Variants in ZNRD2 observed in about 807,000 individuals in gnomAD.
The protein encoded by ZNRD2 is protein ZNRD2.
In ZNRD2, 16 loss-of-function variants were observed where a neutral mutation model predicts 22.0. That is an observed-to-expected ratio of 0.73 (90% confidence interval 0.49 to 1.11). The LOEUF (loss-of-function observed/expected upper bound fraction) is 1.11. Ranked by LOEUF, ZNRD2 falls within the 50% of genes least tolerant of loss-of-function variation. The pLI is 0.00. For synonymous variants in ZNRD2, 105 were observed against 109.8 expected (o/e 0.96, Z 0.27); for missense variants, 269 against 258.9 (o/e 1.04, Z -0.27).
At chr11:65,571,256 A>C (rs998244262) in intron 3 of ZNRD2, 135 bp from the exon 4 acceptor site, 3 of 1,143,344 alleles carry the variant, frequency 2.6e-6, no homozygotes, top group Non-Finnish European at 3.6e-6. Context: ...ACAAAGTAGA[A>C]AGTGGATGAG....
chr11:65,571,362 C>G, intron 3 of ZNRD2, 29 bp from the exon 4 acceptor site: 1 of 1,551,414 alleles, frequency 6.4e-7, no homozygotes, highest in Non-Finnish European at 8.7e-7. Flanking sequence ...GGCATCCTGA[C>G]CATTCCACCC....
At position 65,570,895 on chromosome 11, in the gene ZNRD2, C is replaced by T. The variant is rs758434928; in HGVS notation, c.181C>T (p.Leu61Phe). Reference protein sequence around the residue: ...ETCADCGTILLQDKQRKIYCV... With the variant: ...ETCADCGTILFQDKQRKIYCV... ...GCTTTTTGGTCCGTAGACGATCCTCCTCCAAGACAAACAGCGGAAAATCTA... is the reference window on the plus strand; with the variant it reads ...GCTTTTTGGTCCGTAGACGATCCTCTTCCAAGACAAACAGCGGAAAATCTA... Residue 61 changes from leucine to phenylalanine, a missense_variant, in exon 3 of 4, where the codon CTC becomes TTC. Coordinates refer to ENST00000309328, the MANE Select transcript of ZNRD2 (RefSeq NM_006396.3). 29 of 1,614,064 alleles carry T rather than the reference C, an allele frequency of 1.8e-5. No homozygotes were observed. Among genetic ancestry groups the T allele is most frequent in the Non-Finnish European group, 2.0e-5 (24 of 1,180,024 alleles).
rs1205871975 is a variant in ZNRD2, at chr11:65,570,514, A to T, written c.19+4A>T. ...AACATGGCCCTGAACGGAGCTGGTGAGGACCTGGGCGGCAGGGGTTTGTGG... is the reference window on the plus strand; with the variant it reads ...AACATGGCCCTGAACGGAGCTGGTGTGGACCTGGGCGGCAGGGGTTTGTGG... On this transcript the variant is annotated splice_donor_region_variant and intron_variant, in intron 1 of 3. Coordinates refer to ENST00000309328, the MANE Select transcript of ZNRD2 (RefSeq NM_006396.3). 1.2e-6 allele frequency: 2 copies of T among 1,613,934 alleles called. No homozygotes were observed. Among genetic ancestry groups the T allele is most frequent in the South Asian group, 2.2e-5 (2 of 91,084 alleles).
chr11:65,571,707 G>T lies in ZNRD2; in HGVS notation c.573G>T (p.Leu191=). The T allele has an allele frequency of 6.2e-7, 1 of 1,611,852 alleles. No individual in the cohort carries two copies. Among genetic ancestry groups the T allele is most frequent in the East Asian group, 2.2e-5 (1 of 44,846 alleles). ...CGLIRACAEA[L]RSLQQLQH ...TTATCCGCGCATGTGCGGAGGCCCTGCGCAGCCTGCAGCAGCTACAGCACT... is the reference window on the plus strand; with the variant it reads ...TTATCCGCGCATGTGCGGAGGCCCTTCGCAGCCTGCAGCAGCTACAGCACT... Residue 191 remains leucine, a synonymous_variant, in exon 4 of 4, where the codon CTG becomes CTT. Transcript: ENST00000309328.
Position 65,570,756 on chromosome 11 carries a change from G to T in ZNRD2, c.171+1G>T, listed in dbSNP as rs945672485. 3 of 1,613,666 alleles carry T rather than the reference G, an allele frequency of 1.9e-6. No individual in the cohort carries two copies. In the African/African-American group the frequency reaches 4.0e-5, roughly 21 times the overall value. ...GGGCGAGACGTGTGCGGACTGCGGGGTGAGGCGAGACTCGGGCGAGTGACC... is the reference window on the plus strand; with the variant it reads ...GGGCGAGACGTGTGCGGACTGCGGGTTGAGGCGAGACTCGGGCGAGTGACC... On this transcript the variant is annotated splice_donor_variant, in intron 2 of 3. Coordinates refer to ENST00000309328, the MANE Select transcript of ZNRD2 (RefSeq NM_006396.3). LOFTEE classifies it high-confidence loss of function.
At chr11:65,571,063 G>A (rs1215879725) in intron 3 of ZNRD2, 93 bp downstream of exon 3, 4 of 1,218,968 alleles carry the variant, frequency 3.3e-6, no homozygotes, top group African/African-American at 1.5e-5. Context: ...CAGTAGGGCT[G>A]AGAGGTGACA....
intron 3 of ZNRD2, 144 bp from the exon 4 acceptor site, chr11:65,571,247 C>T: frequency 9.1e-7 from 1 of 1,101,494 alleles, no homozygotes; most frequent in Non-Finnish European, 1.3e-6. Flanking sequence ...AAATGTGATA[C>T]AAAGTAGAAA....
chr11:65,571,089 G>A, intron 3 of ZNRD2, 119 bp downstream of exon 3: 1 of 974,340 alleles, frequency 1.0e-6, no homozygotes, highest in South Asian at 1.6e-5. Context: ...GTCTCTGGGT[G>A]GGGTAGAAGT....
At chr11:65,571,264 G>A (rs1857120093) in intron 3 of ZNRD2, 127 bp from the exon 4 acceptor site, 6 of 1,193,222 alleles carry the variant, frequency 5.0e-6, no homozygotes, top group Non-Finnish European at 6.9e-6. Flanking sequence ...GAAAGTGGAT[G>A]AGTTGCCTTA....
Position 65,571,722 on chromosome 11 carries a change from G to T in ZNRD2, c.588G>T (p.Gln196His). 6.2e-7 allele frequency: 1 copy of T among 1,607,460 alleles called. No homozygotes were observed. The highest frequency in any genetic ancestry group is 1.7e-5 in the Admixed American group (1 of 58,990). ...ACAEALRSLQ[Q>H]LQH ...CGGAGGCCCTGCGCAGCCTGCAGCA[G>T]CTACAGCACTAAGAGAAGCCCCTGA... The change falls in exon 4 of 4, where the codon CAG becomes CAT. Residue 196 changes from glutamine (Q) to histidine (H), a missense_variant. Coordinates refer to ENST00000309328, the MANE Select transcript of ZNRD2 (RefSeq NM_006396.3).
Position 65,570,877 on chromosome 11 carries a change from G to A in ZNRD2, c.172-9G>A. 6.2e-7 allele frequency: 1 copy of A among 1,614,052 alleles called. No individual in the cohort carries two copies. The highest frequency in any genetic ancestry group is 2.2e-5 in the East Asian group (1 of 44,880). ...CTCATTCCGGCCCCGTGTGCTTTTT[G>A]GTCCGTAGACGATCCTCCTCCAAGA... On this transcript the variant is annotated splice_polypyrimidine_tract_variant and intron_variant, in intron 2 of 3. Transcript: ENST00000309328.
intron 3 of ZNRD2, 148 bp downstream of exon 3, chr11:65,571,118 G>T: frequency 1.2e-6 from 1 of 858,608 alleles, no homozygotes; most frequent in Non-Finnish European, 1.8e-6. Context: ...TTCTCCTTTA[G>T]GCTCTAAAGA....
In ZNRD2 at chr11:65,570,866, G is replaced by A. The variant is rs1022731818; in HGVS notation, c.172-20G>A. The A allele has an allele frequency of 6.2e-7, 1 of 1,613,948 alleles. No homozygotes were observed. The highest frequency in any genetic ancestry group is 1.7e-5 in the Admixed American group (1 of 60,002). ...ATTGCCGGCGTCTCATTCCGGCCCC[G>A]TGTGCTTTTTGGTCCGTAGACGATC... On this transcript the variant is annotated intron_variant, in intron 2 of 3. Coordinates refer to ENST00000309328, the MANE Select transcript of ZNRD2 (RefSeq NM_006396.3).
In ZNRD2 at chr11:65,571,470, ACCTGCGC is replaced by A; in HGVS notation, c.339_345del (p.Ala114SerfsTer46). ...CCTCAGAGCTCCCCCTGGGCTCTCGACCTGCGCCCCAGCCCCCAGTACCTCGTCCGGA... is the reference window on the plus strand; with the variant it reads ...CCTCAGAGCTCCCCCTGGGCTCTCGACCCAGCCCCCAGTACCTCGTCCGGA... On this transcript the variant is annotated frameshift_variant, in exon 4 of 4. Transcript: ENST00000309328. LOFTEE classifies it high-confidence loss of function. 1 of 1,613,638 alleles carries A rather than the reference ACCTGCGC, an allele frequency of 6.2e-7. No homozygotes were observed. The highest frequency in any genetic ancestry group is 2.2e-5 in the East Asian group (1 of 44,884).
chr11:65,570,595 C>G lies in ZNRD2; in HGVS notation c.20-9C>G, dbSNP rs751110541. On this transcript the variant is annotated splice_polypyrimidine_tract_variant and intron_variant, in intron 1 of 3. Coordinates refer to ENST00000309328, the MANE Select transcript of ZNRD2 (RefSeq NM_006396.3). The stretch of plus-strand genomic sequence containing the variant: ...CAAGACCCCCAGTCCCTATGCCTCT[C>G]TTCCCCAGAAGTCGACGACTTCTCC... The G allele has an allele frequency of 2.8e-5, 45 of 1,613,862 alleles. No individual in the cohort carries two copies. The highest frequency in any genetic ancestry group is 3.6e-5 in the Non-Finnish European group (43 of 1,179,990).
intron 2 of ZNRD2, 55 bp downstream of exon 2, chr11:65,570,810 A>G: frequency 1.2e-6 from 2 of 1,612,566 alleles, no homozygotes; most frequent in South Asian, 2.2e-5. Flanking sequence ...CAGGCCACTC[A>G]GCCCTTCCCC....
chr11:65,570,814 C>T, intron 2 of ZNRD2, 59 bp downstream of exon 2: 1 of 1,612,542 alleles, frequency 6.2e-7, no homozygotes, highest in Admixed American at 1.7e-5. Context: ...CCACTCAGCC[C>T]TTCCCCGGCC....
At chr11:65,571,062 T>G in intron 3 of ZNRD2, 92 bp downstream of exon 3, 1 of 1,233,032 alleles carries the variant, frequency 8.1e-7, no homozygotes, top group Non-Finnish European at 1.2e-6. Context: ...ACAGTAGGGC[T>G]GAGAGGTGAC....
chr11:65,571,039 T>C, intron 3 of ZNRD2, 69 bp downstream of exon 3: 1 of 1,457,486 alleles, frequency 6.9e-7, no homozygotes, highest in Non-Finnish European at 9.5e-7. Flanking sequence ...TAAGTGGTGA[T>C]AGAGGCCCGA....
Sources: allele counts gnomAD v4.1 joint callset, GRCh38; gene constraint gnomAD v4.1.1; transcripts MANE v1.5; gene names NCBI Gene and HGNC (gene_info 2026-07-23, HGNC 2026-07-21).